Variants in ABI3BP observed in about 807,000 individuals in gnomAD.
The protein encoded by ABI3BP is ABI family member 3 binding protein.
In ABI3BP, 216 loss-of-function variants were observed where a neutral mutation model predicts 268.6. The ratio of observed to expected loss-of-function variants is 0.80; its 90% CI spans 0.72 to 0.90. The LOEUF is 0.90. Ranked by LOEUF, ABI3BP falls within the 40% of genes least tolerant of loss-of-function variation. The pLI is 0.00. For missense variants in ABI3BP, 2,090 were observed against 2,182.4 expected (o/e 0.96, Z 0.84); for synonymous variants, 730 against 730.0 (o/e 1.00, Z 0.00).
chr3:100,770,923 C>G lies in ABI3BP; in HGVS notation c.4561G>C (p.Asp1521His), dbSNP rs2096527442. ...TCAGTAATGGAGCAGGGACTGTTGT[C>G]AGGCTTTTGGATGTATCGCACATGA... Reference protein sequence around the residue: ...GPHVRYIQKPDNSPCSITDSV... With the variant: ...GPHVRYIQKPHNSPCSITDSV... Residue 1521 changes from aspartate to histidine, a missense_variant, in exon 62 of 68, where the codon GAC becomes CAC. Coordinates refer to ENST00000471714, the MANE Select transcript of ABI3BP (RefSeq NM_001375547.2). 3.8e-6 allele frequency: 6 copies of G among 1,594,292 alleles called. No homozygotes were observed. The highest frequency in any genetic ancestry group is 5.1e-6 in the Non-Finnish European group (6 of 1,170,340).
intron 45 of ABI3BP, 60 bp from the exon 46 acceptor site, chr3:100,812,583 G>GTGCTT (rs1578612167): frequency 3.4e-5 from 38 of 1,123,776 alleles, no homozygotes; most frequent in Non-Finnish European, 4.1e-5. Flanking sequence ...ATTTATAAAA[G>GTGCTT]TGCTTTGCAT....
chr3:100,981,584 G>T (rs1041025621), intron 1 of ABI3BP, among the ~76,000 whole-genome samples: 3 of 152,178 alleles, frequency 2.0e-5, no homozygotes, highest in African/African-American at 7.2e-5. Flanking sequence ...ACATGGAATT[G>T]CATCCCAAGG....
At chr3:100,813,845 T>C (rs1369653479) in intron 44 of ABI3BP, 110 bp from the exon 45 acceptor site, 1 of 911,058 alleles carries the variant, frequency 1.1e-6, no homozygotes, top group Non-Finnish European at 1.7e-6. Context: ...AATCATGAGG[T>C]TATGGAGAGC....
At chr3:100,873,402 T>C (rs1581410696) in intron 9 of ABI3BP, among the ~76,000 whole-genome samples, 1 of 151,998 alleles carries the variant, frequency 6.6e-6, no homozygotes, top group East Asian at 1.9e-4. Context: ...TTGATGTCTT[T>C]TTTCCCCCAG....
intron 3 of ABI3BP, 71 bp downstream of exon 3, chr3:100,902,547 G>A: frequency 7.1e-7 from 1 of 1,408,874 alleles, no homozygotes; most frequent in Non-Finnish European, 9.9e-7. Context: ...GGTCTCCAGG[G>A]GTCCAAAAGA....
chr3:100,813,454 G>GA (rs777696349), intron 45 of ABI3BP, among the ~76,000 whole-genome samples: 6 of 152,026 alleles, frequency 3.9e-5, no homozygotes, highest in Non-Finnish European at 7.4e-5. Flanking sequence ...CAAATGCATT[G>GA]AAAAGTATTT....
rs373813992 is a variant in ABI3BP at position 100,774,664 on chromosome 3, G to A, written c.4472C>T (p.Thr1491Ile). 1.7e-5 allele frequency: 27 copies of A among 1,572,412 alleles called. No individual in the cohort carries two copies. Among genetic ancestry groups the A allele is most frequent in the Middle Eastern group, 3.3e-4 (2 of 5,996 alleles). The stretch of plus-strand genomic sequence containing the variant: ...TCTTGTTGGGCTTGAGCTAAAGTCA[G>A]TTATATTTTCTGAGAATGGAAAATA... ...PASGEELENITDFSSSPTRET... is the reference protein window; with the variant it reads ...PASGEELENIIDFSSSPTRET... Residue 1491 changes from threonine (T) to isoleucine (I), a missense_variant, in exon 61 of 68, where the codon ACT (threonine) becomes ATT (isoleucine). Thr to Ile is a moderately conservative substitution (Grantham distance 89, BLOSUM62 -1). Transcript: ENST00000471714.
intron 1 of ABI3BP, among the ~76,000 whole-genome samples, chr3:100,950,710 A>G (rs1301208981): frequency 6.6e-6 from 1 of 152,012 alleles, no homozygotes; most frequent in Non-Finnish European, 1.5e-5. Flanking sequence ...AAAAATTAAT[A>G]TAAGATTACA....
intron 1 of ABI3BP, among the ~76,000 whole-genome samples, chr3:100,969,620 A>C (rs190952434): frequency 1.3e-5 from 2 of 152,206 alleles, no homozygotes; most frequent in African/African-American, 4.8e-5. Context: ...ACCCTACACT[A>C]TCTTTAAATC....
chr3:100,843,443 G>T (rs935024902), intron 20 of ABI3BP, among the ~76,000 whole-genome samples: 5 of 150,178 alleles, frequency 3.3e-5, no homozygotes, highest in Admixed American at 2.7e-4. Flanking sequence ...TATGACAGAA[G>T]AGAGAAGGGA....
At chr3:100,793,506 A>G (rs1002435036) in intron 54 of ABI3BP, among the ~76,000 whole-genome samples, 1 of 152,062 alleles carries the variant, frequency 6.6e-6, no homozygotes, top group Non-Finnish European at 1.5e-5. Context: ...GAATAAACCA[A>G]GACACATTAG....
chr3:100,767,715 A>G lies in ABI3BP; in HGVS notation c.4742-1766T>C, dbSNP rs114130865. ...AAGGTTAATAATATCTCTTCATACT[A>G]CTGCTTATGGGGATTAAATTGGGTA... is the stretch of plus-strand genomic sequence containing the variant. On this transcript the variant is annotated intron_variant, in intron 62 of 67. Coordinates refer to ENST00000471714, the MANE Select transcript of ABI3BP (RefSeq NM_001375547.2). Among the ~76,000 whole-genome samples the G allele has an allele frequency of 3.4e-3, 518 of 152,230 alleles. 5 individuals carry two copies. Among genetic ancestry groups the G allele is most frequent in the Non-Finnish European group, 5.0e-3 (337 of 68,022 alleles).
intron 33 of ABI3BP, among the ~76,000 whole-genome samples, chr3:100,829,176 C>CTA (rs2098441307): frequency 6.6e-6 from 1 of 151,544 alleles, no homozygotes. Context: ...GAAGAAAATA[C>CTA]TACAGGGACT....
chr3:100,977,184 T>G (rs888554549), intron 1 of ABI3BP, among the ~76,000 whole-genome samples: 1 of 152,240 alleles, frequency 6.6e-6, no homozygotes, highest in African/African-American at 2.4e-5. Context: ...TAAGATTATT[T>G]ACACTTCTCA....
At chr3:100,933,055 G>T (rs2064253067) in intron 1 of ABI3BP, among the ~76,000 whole-genome samples, 1 of 151,944 alleles carries the variant, frequency 6.6e-6, no homozygotes, top group Non-Finnish European at 1.5e-5. Context: ...ATTTCAGAAT[G>T]TGGTTTAAAT....
At chr3:100,823,178 G>A (rs2098278070) in intron 37 of ABI3BP, among the ~76,000 whole-genome samples, 1 of 152,106 alleles carries the variant, frequency 6.6e-6, no homozygotes, top group Non-Finnish European at 1.5e-5. Flanking sequence ...GAAGGAGTTA[G>A]AAACCCACTA....
At chr3:100,968,435 T>C (rs1283383815) in intron 1 of ABI3BP, among the ~76,000 whole-genome samples, 1 of 152,196 alleles carries the variant, frequency 6.6e-6, no homozygotes, top group Non-Finnish European at 1.5e-5. Flanking sequence ...GCCACCTATG[T>C]TACCTAGTTT....
At chr3:100,943,399 T>A (rs1416342860) in intron 1 of ABI3BP, among the ~76,000 whole-genome samples, 2 of 152,132 alleles carry the variant, frequency 1.3e-5, no homozygotes, top group Non-Finnish European at 2.9e-5. Flanking sequence ...TTATTTATAT[T>A]TTTCTTTTGA....
chr3:100,923,752 G>C (rs1027163871), intron 2 of ABI3BP, among the ~76,000 whole-genome samples: 1 of 152,056 alleles, frequency 6.6e-6, no homozygotes, highest in South Asian at 2.1e-4. Context: ...TTTATCATTG[G>C]CTAAAATAGG....
Sources: gnomAD v4.1 joint callset for allele counts (sites outside exome capture counted in the v4.1 genomes callset) on GRCh38, gnomAD v4.1.1 for gene constraint, MANE v1.5 for transcripts, NCBI Gene and HGNC (gene_info 2026-07-23, HGNC 2026-07-21) for gene names.